PLCD4: variants seen among roughly 807,000 people sequenced by gnomAD.
The protein encoded by PLCD4 is 1-phosphatidylinositol 4,5-bisphosphate phosphodiesterase delta-4.
PLCD4 carries 63 observed loss-of-function variants against 90.2 expected under a neutral mutation model. The observed-to-expected ratio is 0.70, with a 90% CI of 0.57 to 0.86. PLCD4 has a LOEUF of 0.86. PLCD4 is among the 40% of genes least tolerant of loss of function. The probability of loss-of-function intolerance (pLI) is 0.00; values close to 1 mark genes in which losing one functional copy is unlikely to be tolerated. For synonymous variants in PLCD4, 294 were observed against 356.5 expected (o/e 0.82, Z 1.97); for missense variants, 830 against 956.3 (o/e 0.87, Z 1.74).
chr2:218,630,541 G>T, intron 8 of PLCD4, 109 bp from the exon 9 acceptor site: 2 of 1,235,262 alleles, frequency 1.6e-6, no homozygotes, highest in East Asian at 4.8e-5. Flanking sequence ...TAGTGATCAG[G>T]GTACTCATCT....
intron 13 of PLCD4, among the ~76,000 whole-genome samples, chr2:218,635,134 C>T (rs1300808427): frequency 6.6e-6 from 1 of 151,978 alleles, no homozygotes. Context: ...CATGGTGGCA[C>T]ATGACTATAG....
chr2:218,609,430 C>T (rs1414922812), intron 1 of PLCD4: 4 of 152,174 alleles, frequency 2.6e-5, no homozygotes, highest in African/African-American at 9.7e-5. Context: ...TACTTCCCAT[C>T]TCATTTTGTG....
At chr2:218,616,923 T>TATATATATATATATAC in intron 3 of PLCD4, among the ~76,000 whole-genome samples, 1 of 24,152 alleles carries the variant, frequency 4.1e-5, no homozygotes, top group African/African-American at 1.8e-4. Context: ...TATATATATA[T>TATATATATATATATAC]ATATAGAGAG....
intron 6 of PLCD4, among the ~76,000 whole-genome samples, chr2:218,623,455 T>A (rs1444559448): frequency 6.6e-6 from 1 of 152,214 alleles, no homozygotes; most frequent in Admixed American, 6.5e-5. Flanking sequence ...TACGCTCTTG[T>A]TCTTCAAAGT....
chr2:218,631,227 C>A (rs752714888), intron 9 of PLCD4, among the ~76,000 whole-genome samples: 4 of 151,972 alleles, frequency 2.6e-5, no homozygotes, highest in Non-Finnish European at 4.4e-5. Flanking sequence ...TGCAATGGTG[C>A]GATCTCAGCT....
chr2:218,633,419 T>C (rs1225038093), intron 10 of PLCD4, 186 bp from the exon 11 acceptor site: 1 of 742,564 alleles, frequency 1.3e-6, no homozygotes, highest in Non-Finnish European at 2.4e-6. Flanking sequence ...TCCGTCTATC[T>C]GTTGTCAGAT....
chr2:218,622,416 T>C (rs1575024310), intron 5 of PLCD4: 1 of 364,940 alleles, frequency 2.7e-6, no homozygotes, highest in East Asian at 4.4e-5. Flanking sequence ...CATGTTTGGA[T>C]CTATCTGTCT....
Position 218,630,751 on chromosome 2 carries a change from G to A in PLCD4, c.1221G>A (p.Leu407=). The A allele has an allele frequency of 6.2e-7, 1 of 1,613,950 alleles. No homozygotes were observed. Among genetic ancestry groups the A allele is most frequent in the Non-Finnish European group, 8.5e-7 (1 of 1,179,884 alleles). ...TGACTGAGATCCTGGGGGAGCAGCT[G>A]CTGAGCACCACCTTGGATGGGGTGC... ...RHLTEILGEQ[L]LSTTLDGVLP... The change falls in exon 9 of 16, where the codon CTG becomes CTA. Residue 407 remains leucine (L), a synonymous_variant. Coordinates refer to ENST00000450993, the MANE Select transcript of PLCD4 (RefSeq NM_032726.4).
intron 3 of PLCD4, among the ~76,000 whole-genome samples, chr2:218,617,294 C>T (rs62191565): frequency 0.6 from 88,915 of 148,700 alleles, 26,655 homozygotes; most frequent in East Asian, 0.79. Flanking sequence ...ACAAAAAATG[C>T]GGCTGGGTGT....
intron 9 of PLCD4, 133 bp downstream of exon 9, chr2:218,630,935 TG>T: frequency 1.1e-6 from 1 of 949,362 alleles, no homozygotes; most frequent in South Asian, 1.9e-5. Context: ...TTAATGTCCT[TG>T]GATCCTTGGA....
chr2:218,634,437 C>T lies in PLCD4; in HGVS notation c.1724-21C>T, dbSNP rs1696591776. On this transcript the variant is annotated intron_variant, in intron 12 of 15. Coordinates refer to ENST00000450993, the MANE Select transcript of PLCD4 (RefSeq NM_032726.4). This position sits in a 1 kb window ranked among gnomAD's most constrained non-coding sequence, Gnocchi z 4.0. ...GGCCTCCATGGTGAATCTTGCTCTT[C>T]TTTTCTCCTGGGGCCCTCAGTGGCC... 1 of 1,604,318 alleles carries T rather than the reference C, an allele frequency of 6.2e-7. No homozygotes were observed. The highest frequency in any genetic ancestry group is 1.3e-5 in the African/African-American group (1 of 74,472).
intron 1 of PLCD4, among the ~76,000 whole-genome samples, chr2:218,611,415 T>C (rs1032031133): frequency 1.3e-5 from 2 of 152,206 alleles, no homozygotes; most frequent in African/African-American, 2.4e-5. Context: ...GTGAGGCTCC[T>C]GGACACAGGC....
At chr2:218,619,351 T>A (rs181154336) in intron 4 of PLCD4, among the ~76,000 whole-genome samples, 2 of 151,976 alleles carry the variant, frequency 1.3e-5, no homozygotes, top group African/African-American at 4.8e-5. Context: ...TGGAGTGCAG[T>A]AGCACAATCT....
intron 9 of PLCD4, among the ~76,000 whole-genome samples, chr2:218,631,443 C>T (rs931670956): frequency 2.6e-5 from 4 of 151,444 alleles, no homozygotes; most frequent in Admixed American, 6.6e-5. Context: ...TGATTACAGG[C>T]GTGAGCTACT....
At chr2:218,632,045 C>T (rs553660996) in intron 9 of PLCD4, 91 bp from the exon 10 acceptor site, 3 of 1,385,838 alleles carry the variant, frequency 2.2e-6, no homozygotes, top group Admixed American at 2.9e-5. Context: ...TCACTCACTT[C>T]CTCTGCCTTT....
At chr2:218,631,923 A>C (rs1696394534) in intron 9 of PLCD4, among the ~76,000 whole-genome samples, 1 of 152,180 alleles carries the variant, frequency 6.6e-6, no homozygotes, top group Admixed American at 6.6e-5. Flanking sequence ...GCAGGAGACC[A>C]TATATATTAT....
chr2:218,634,258 G>A lies in PLCD4; in HGVS notation c.1723+37G>A. 4 of 1,588,100 alleles carry A rather than the reference G, an allele frequency of 2.5e-6. No homozygotes were observed. The South Asian group carries it at 4.5e-5, about 18-fold the overall frequency. ...GCAGGGACTGGGAAGAGGGAGTGGA[G>A]GAGCAGCAGGTGGGAAATAAGTTCT... On this transcript the variant is annotated intron_variant, in intron 12 of 15. Transcript: ENST00000450993. This position sits in a 1 kb window ranked among gnomAD's most constrained non-coding sequence, Gnocchi z 4.0.
chr2:218,634,335 T>C lies in PLCD4; in HGVS notation c.1723+114T>C. The C allele has an allele frequency of 6.4e-7, 1 of 1,571,986 alleles. No homozygotes were observed. Among genetic ancestry groups the C allele is most frequent in the Non-Finnish European group, 8.6e-7 (1 of 1,157,004 alleles). Reference sequence around the variant, plus strand: ...TCAAGAAAATTGCTAGGCTGAGAAATGCTATCAGTGGATATTACCAGCAGG... The same window carrying C: ...TCAAGAAAATTGCTAGGCTGAGAAACGCTATCAGTGGATATTACCAGCAGG... On this transcript the variant is annotated intron_variant, in intron 12 of 15. Transcript: ENST00000450993. The surrounding 1 kb of genome is among the most constrained non-coding windows in gnomAD (Gnocchi z 4.0).
intron 8 of PLCD4, among the ~76,000 whole-genome samples, chr2:218,630,044 G>C (rs1250859825): frequency 6.6e-6 from 1 of 152,186 alleles, no homozygotes; most frequent in Non-Finnish European, 1.5e-5. Context: ...GGGCGTGGTA[G>C]TGCATGCCTG....
Sources: gnomAD v4.1 joint callset for allele counts (sites outside exome capture counted in the v4.1 genomes callset) on GRCh38, gnomAD v4.1.1 for gene constraint, Gnocchi (gnomAD v3.1) non-coding constraint, MANE v1.5 for transcripts, NCBI Gene and HGNC (gene_info 2026-07-23, HGNC 2026-07-21) for gene names.